Variants in RNF141 observed in about 807,000 individuals in gnomAD.
RNF141 encodes the protein C3HC4-like zinc finger protein.
Under a neutral mutation model 27.4 loss-of-function variants are expected in RNF141, and 18 were observed. The ratio of observed to expected loss-of-function variants is 0.66; its 90% CI spans 0.45 to 0.97. The LOEUF (loss-of-function observed/expected upper bound fraction) is 0.97. Among genes scored for constraint, RNF141 ranks in the 50% least tolerant of loss-of-function variants. The probability of loss-of-function intolerance (pLI) is 0.00; values close to 1 mark genes in which losing one functional copy is unlikely to be tolerated. For synonymous variants in RNF141, 97 were observed against 96.6 expected (o/e 1.00, Z -0.02); for missense variants, 230 against 279.4 (o/e 0.82, Z 1.26).
intron 3 of RNF141, 56 bp from the exon 4 acceptor site, chr11:10,525,429 TC>T: frequency 7.2e-7 from 1 of 1,383,228 alleles, no homozygotes; most frequent in South Asian, 1.5e-5. Context: ...GACCAATTTT[TC>T]CCAAAAAGGG....
At chr11:10,521,298 T>C (rs1849886101) in intron 4 of RNF141, among the ~76,000 whole-genome samples, 1 of 152,244 alleles carries the variant, frequency 6.6e-6, no homozygotes, top group Non-Finnish European at 1.5e-5. Context: ...ATATTGCATA[T>C]TGATTGGCTG....
chr11:10,534,811 AT>A (rs1157214866), intron 1 of RNF141, among the ~76,000 whole-genome samples: 1 of 152,080 alleles, frequency 6.6e-6, no homozygotes, highest in Non-Finnish European at 1.5e-5. Context: ...CTCACAATAT[AT>A]TTACATCAGC....
chr11:10,531,125 C>T (rs139905748), intron 2 of RNF141, among the ~76,000 whole-genome samples: 4,007 of 152,092 alleles, frequency 0.026, 75 homozygotes, highest in African/African-American at 0.057. Flanking sequence ...ACCTGTAATC[C>T]CAGCACTTTG....
At position 10,514,831 on chromosome 11, in the gene RNF141, C is replaced by G. The variant is rs1328523193; in HGVS notation, c.*85G>C. On this transcript the variant is annotated 3_prime_UTR_variant, in exon 6 of 6. Transcript: ENST00000265981. ...GTGGGGAAAATGGATTTTCCTGTGT[C>G]TGTGCCAGTGCCACAACCCTACATT... The G allele has an allele frequency of 1.5e-6, 2 of 1,295,972 alleles. No individual in the cohort carries two copies. Among genetic ancestry groups the G allele is most frequent in the Admixed American group, 5.0e-5 (2 of 39,604 alleles). 80.3% of individuals were successfully genotyped at this position (1,295,972 alleles called of 1,614,324 possible). A position where few individuals can be genotyped will look rare whatever the true frequency, so the allele number is the denominator to read the frequency against.
chr11:10,537,003 G>A (rs1305614485), intron 1 of RNF141, among the ~76,000 whole-genome samples: 1 of 152,194 alleles, frequency 6.6e-6, no homozygotes, highest in Non-Finnish European at 1.5e-5. Flanking sequence ...GTTTATTCTA[G>A]ATAGTCATAG....
intron 1 of RNF141, among the ~76,000 whole-genome samples, chr11:10,535,846 T>C (rs759141160): frequency 6.6e-6 from 1 of 152,214 alleles, no homozygotes; most frequent in Non-Finnish European, 1.5e-5. Flanking sequence ...TGTCCTTATT[T>C]TTCTTGATCG....
At chr11:10,539,687 C>CAG (rs1554905284) in intron 1 of RNF141, among the ~76,000 whole-genome samples, 1 of 50,888 alleles carries the variant, frequency 2.0e-5, no homozygotes, top group Non-Finnish European at 3.8e-5. Flanking sequence ...GAAAAAGATA[C>CAG]ATACATATAT....
intron 3 of RNF141, among the ~76,000 whole-genome samples, chr11:10,526,547 G>A: frequency 6.6e-6 from 1 of 152,156 alleles, no homozygotes; most frequent in Non-Finnish European, 1.5e-5. Context: ...ACTTTGGGAG[G>A]CCGAGGTGGG....
intron 4 of RNF141, among the ~76,000 whole-genome samples, chr11:10,523,118 G>C (rs558361406): frequency 1.3e-5 from 2 of 152,302 alleles, no homozygotes; most frequent in East Asian, 3.9e-4. Context: ...CTTGCAAGTC[G>C]GACTTGGCAA....
chr11:10,538,793 T>G (rs1253932294), intron 1 of RNF141, among the ~76,000 whole-genome samples: 1 of 152,244 alleles, frequency 6.6e-6, no homozygotes, highest in Non-Finnish European at 1.5e-5. Context: ...AATGTAAAAC[T>G]GTGAAAATCT....
intron 2 of RNF141, among the ~76,000 whole-genome samples, chr11:10,532,726 T>C (rs2133974526): frequency 6.6e-6 from 1 of 152,328 alleles, no homozygotes; most frequent in African/African-American, 2.4e-5. Context: ...TTGCTAAGCA[T>C]GTCTCTTATC....
intron 1 of RNF141, among the ~76,000 whole-genome samples, chr11:10,535,707 T>C (rs1158608655): frequency 1.3e-5 from 2 of 151,924 alleles, no homozygotes; most frequent in African/African-American, 4.8e-5. Flanking sequence ...TCCCCAAAAC[T>C]TAACAAAAAT....
intron 4 of RNF141, among the ~76,000 whole-genome samples, chr11:10,524,512 C>T (rs1037271095): frequency 3.9e-5 from 6 of 152,156 alleles, no homozygotes; most frequent in African/African-American, 1.4e-4. Flanking sequence ...AGGATGTCAA[C>T]ATGTTTGGAC....
At chr11:10,522,761 TATAGAC>T (rs766255440) in intron 4 of RNF141, among the ~76,000 whole-genome samples, 11 of 152,252 alleles carry the variant, frequency 7.2e-5, no homozygotes, top group Non-Finnish European at 1.6e-4. Flanking sequence ...AGTTAACTCT[TATAGAC>T]AAATTATTAT....
rs1849877471 is a variant in RNF141, at chr11:10,520,226, T to C, written c.435-1085A>G. Among the ~76,000 whole-genome samples, 3 of 150,600 alleles carry C rather than the reference T, an allele frequency of 2.0e-5. No individual in the cohort carries two copies. The South Asian group carries it at 6.3e-4, about 32-fold the overall frequency. ...TAATCTTTACTATAGATTTTTAACT[T>C]TATAAACTTTTTACTTTTAACTTTT... is the stretch of plus-strand genomic sequence containing the variant. On this transcript the variant is annotated intron_variant, in intron 4 of 5. Coordinates refer to ENST00000265981, the MANE Select transcript of RNF141 (RefSeq NM_016422.4).
intron 1 of RNF141, among the ~76,000 whole-genome samples, chr11:10,534,634 A>G (rs942125884): frequency 6.6e-6 from 1 of 152,136 alleles, no homozygotes; most frequent in Non-Finnish European, 1.5e-5. Flanking sequence ...ACTTCTTACA[A>G]CAATCCTAAG....
intron 4 of RNF141, among the ~76,000 whole-genome samples, chr11:10,519,447 A>G (rs956560385): frequency 2.6e-5 from 4 of 152,226 alleles, no homozygotes; most frequent in African/African-American, 9.6e-5. Context: ...GCCCATTTTA[A>G]TCATATTGGA....
rs1050670887 is a variant in RNF141 at position 10,512,251 on chromosome 11, C to T, written c.*2665G>A. Reference sequence around the variant, plus strand: ...AAAAGTGTACATTTCATCCATTAAACAAATTTACAACTTTTACGATTAGTT... The same window carrying T: ...AAAAGTGTACATTTCATCCATTAAATAAATTTACAACTTTTACGATTAGTT... On this transcript the variant is annotated 3_prime_UTR_variant, in exon 6 of 6. Coordinates refer to ENST00000265981, the MANE Select transcript of RNF141 (RefSeq NM_016422.4). The T allele has an allele frequency of 6.6e-6, 1 of 152,610 alleles. No individual in the cohort carries two copies. The highest frequency in any genetic ancestry group is 2.4e-5 in the African/African-American group (1 of 41,448). The allele number at this position is 152,610 out of a possible 1,614,324, so 9.5% of individuals were successfully genotyped here.
At chr11:10,518,680 G>C (rs1320637752) in intron 5 of RNF141, 1 of 168,486 alleles carries the variant, frequency 5.9e-6, no homozygotes, top group Non-Finnish European at 1.3e-5. Flanking sequence ...AGTTCCCTGA[G>C]GTCCAGTATT....
Sources: allele counts gnomAD v4.1 joint callset (sites outside exome capture counted in the v4.1 genomes callset), GRCh38; gene constraint gnomAD v4.1.1; transcripts MANE v1.5; gene names NCBI Gene and HGNC (gene_info 2026-07-23, HGNC 2026-07-21).